The following PTPRD variants were observed in gnomAD, a reference collection of about 807,000 sequenced individuals.
PTPRD encodes protein tyrosine phosphatase receptor type D.
PTPRD carries 34 observed loss-of-function variants against 214.5 expected under a neutral mutation model. The observed-to-expected ratio is 0.16, with a 90% confidence interval of 0.12 to 0.21. The LOEUF is 0.21. Ranked by LOEUF, PTPRD falls within the 10% of genes least tolerant of loss-of-function variation. PTPRD has a pLI of 1.00. For missense variants in PTPRD, 2,545 were observed against 2,398.7 expected (o/e 1.06, Z -1.27); for synonymous variants, 1,128 against 845.7 (o/e 1.33, Z -5.79).
intron 2 of PTPRD, among the ~76,000 whole-genome samples, chr9:10,383,130 T>C (rs1273317405): frequency 1.3e-5 from 2 of 151,928 alleles, no homozygotes; most frequent in African/African-American, 4.8e-5. Context: ...CTTGTCTTTA[T>C]ATTTTTACCT....
chr9:9,728,405 G>T (rs907856626), intron 7 of PTPRD, among the ~76,000 whole-genome samples: 4 of 152,052 alleles, frequency 2.6e-5, no homozygotes, highest in African/African-American at 9.7e-5. Context: ...AATTATTTTT[G>T]ATCTCTAGTC....
intron 2 of PTPRD, among the ~76,000 whole-genome samples, chr9:10,434,946 C>A (rs1249923418): frequency 6.6e-6 from 1 of 151,774 alleles, no homozygotes; most frequent in Non-Finnish European, 1.5e-5. Context: ...GAGGTACAAT[C>A]TCTATGCTAC....
intron 7 of PTPRD, among the ~76,000 whole-genome samples, chr9:9,607,700 A>G (rs1268236164): frequency 2.0e-5 from 3 of 151,264 alleles, no homozygotes; most frequent in Admixed American, 1.3e-4. Flanking sequence ...AGTTACCACT[A>G]TTGTTATTGC....
At chr9:10,026,475 C>T (rs901947834) in intron 4 of PTPRD, among the ~76,000 whole-genome samples, 1 of 152,144 alleles carries the variant, frequency 6.6e-6, no homozygotes, top group Admixed American at 6.6e-5. Flanking sequence ...GCCTAAGTTT[C>T]TCAAGAGTCA....
chr9:9,004,264 G>A (rs1190000678), intron 11 of PTPRD, among the ~76,000 whole-genome samples: 11 of 151,876 alleles, frequency 7.2e-5, no homozygotes, highest in Admixed American at 7.2e-4. Context: ...TTAAGAATAT[G>A]CCACAAAAAG....
chr9:8,919,499 C>G (rs1359476982), intron 11 of PTPRD, among the ~76,000 whole-genome samples: 1 of 151,822 alleles, frequency 6.6e-6, no homozygotes, highest in Non-Finnish European at 1.5e-5. Flanking sequence ...CAGACTTGCT[C>G]TATTATTATA....
chr9:8,882,526 C>T (rs533070724), intron 11 of PTPRD, among the ~76,000 whole-genome samples: 230 of 152,240 alleles, frequency 1.5e-3, no homozygotes, highest in African/African-American at 5.3e-3. Context: ...TTTATAGCTA[C>T]TCACATTTGT....
At chr9:9,690,734 A>T (rs1191167311) in intron 7 of PTPRD, among the ~76,000 whole-genome samples, 1 of 151,832 alleles carries the variant, frequency 6.6e-6, no homozygotes, top group Non-Finnish European at 1.5e-5. Context: ...TATTTTGCCA[A>T]TGTACACTTT....
chr9:10,147,096 T>C (rs1379529864), intron 3 of PTPRD, among the ~76,000 whole-genome samples: 1 of 152,128 alleles, frequency 6.6e-6, no homozygotes, highest in Non-Finnish European at 1.5e-5. Context: ...AACCAGTTAC[T>C]TACAGGGGAC....
At chr9:9,742,639 TA>T (rs35059498) in intron 6 of PTPRD, among the ~76,000 whole-genome samples, 8 of 151,086 alleles carry the variant, frequency 5.3e-5, no homozygotes, top group Non-Finnish European at 1.0e-4. Flanking sequence ...TTATCAACCT[TA>T]AAAAAAAACC....
chr9:9,416,385 C>G (rs919075989), intron 8 of PTPRD, among the ~76,000 whole-genome samples: 16 of 152,168 alleles, frequency 1.1e-4, no homozygotes, highest in African/African-American at 3.9e-4. Flanking sequence ...TAGCTGTGCT[C>G]TTTAATGAGC....
intron 3 of PTPRD, among the ~76,000 whole-genome samples, chr9:10,311,786 AGCCATAATGT>A (rs2096272885): frequency 1.3e-5 from 2 of 152,062 alleles, no homozygotes; most frequent in South Asian, 4.1e-4. Flanking sequence ...TAACTAGGTT[AGCCATAATGT>A]GCTTTCCATC....
At chr9:8,557,779 TAC>T (rs373363751) in intron 14 of PTPRD, among the ~76,000 whole-genome samples, 4,703 of 103,502 alleles carry the variant, frequency 0.045, 210 homozygotes, top group African/African-American at 0.13. Context: ...AAAAACAAAA[TAC>T]ACACACACAC....
At chr9:9,382,701 GT>G (rs1340806922) in intron 9 of PTPRD, among the ~76,000 whole-genome samples, 2 of 152,074 alleles carry the variant, frequency 1.3e-5, no homozygotes, top group Non-Finnish European at 2.9e-5. Flanking sequence ...CACATTGTAG[GT>G]GGGAATGTAA....
At chr9:8,915,495 G>A (rs2098778870) in intron 11 of PTPRD, among the ~76,000 whole-genome samples, 1 of 152,066 alleles carries the variant, frequency 6.6e-6, no homozygotes, top group East Asian at 1.9e-4. Flanking sequence ...GTGTGTGTGT[G>A]CACATTCGTG....
intron 23 of PTPRD, among the ~76,000 whole-genome samples, chr9:8,502,074 G>C (rs535169364): frequency 5.3e-5 from 8 of 152,064 alleles, no homozygotes; most frequent in African/African-American, 1.2e-4. Flanking sequence ...AGAATTAGAA[G>C]ACATACTTTC....
intron 3 of PTPRD, among the ~76,000 whole-genome samples, chr9:10,229,166 C>G (rs2099599467): frequency 1.3e-5 from 2 of 152,012 alleles, no homozygotes; most frequent in South Asian, 4.1e-4. Context: ...TATCTCACAC[C>G]AATTAGAATG....
intron 14 of PTPRD, among the ~76,000 whole-genome samples, chr9:8,611,726 C>G (rs981799779): frequency 3.8e-5 from 3 of 79,268 alleles, no homozygotes; most frequent in South Asian, 8.5e-4. Flanking sequence ...AAAGAAAAGA[C>G]AAAAGAAAAA....
chr9:10,475,372 A>C (rs1005512894), intron 2 of PTPRD, among the ~76,000 whole-genome samples: 1 of 152,114 alleles, frequency 6.6e-6, no homozygotes, highest in African/African-American at 2.4e-5. Context: ...ACACAAATCA[A>C]CTGGAAAATG....
Sources: gnomAD v4.1 joint callset for allele counts (sites outside exome capture counted in the v4.1 genomes callset) on GRCh38, gnomAD v4.1.1 for gene constraint, MANE v1.5 for transcripts, NCBI Gene and HGNC (gene_info 2026-07-23, HGNC 2026-07-21) for gene names.